Variants in POU2F2 observed in about 807,000 individuals in gnomAD.
POU2F2 encodes the protein POU domain, class 2, transcription factor 2.
Under a neutral mutation model 63.5 loss-of-function variants are expected in POU2F2, and 14 were observed. The observed-to-expected ratio is 0.22, with a 90% CI of 0.15 to 0.34. The LOEUF (loss-of-function observed/expected upper bound fraction) is 0.34. Among genes scored for constraint, POU2F2 ranks in the 10% least tolerant of loss-of-function variants. The probability of loss-of-function intolerance (pLI) is 1.00; values close to 1 mark genes in which losing one functional copy is unlikely to be tolerated. For missense variants in POU2F2, 607 were observed against 815.2 expected, an observed-to-expected ratio of 0.74 and a Z score of 3.11; for synonymous variants, 306 against 348.6, an observed-to-expected ratio of 0.88 and a Z score of 1.36.
At chr19:42,114,605 C>G (rs939421445) in intron 5 of POU2F2, among the ~76,000 whole-genome samples, 1 of 152,186 alleles carries the variant, frequency 6.6e-6, no homozygotes, top group African/African-American at 2.4e-5. Flanking sequence ...GGGCTAGAAA[C>G]CATGTTCCGT....
At chr19:42,158,818 C>T (rs1599687928) in intron 2 of POU2F2, among the ~76,000 whole-genome samples, 1 of 152,206 alleles carries the variant, frequency 6.6e-6, no homozygotes, top group Non-Finnish European at 1.5e-5. Context: ...TTCAGACGTT[C>T]CTCAAAGCCA....
At chr19:42,133,891 C>T (rs912189875), upstream of POU2F2, among the ~76,000 whole-genome samples, 5 of 152,168 alleles carry the variant, frequency 3.3e-5, no homozygotes, top group African/African-American at 4.8e-5. The surrounding 1 kb of genome is among the most constrained non-coding windows in gnomAD (Gnocchi z 5.1). Context: ...TGACTGCACA[C>T]GTGCCCTGTG....
rs1406847453 is a variant in POU2F2, at chr19:42,087,173, T to C, written c.*4084A>G. On this transcript the variant is annotated 3_prime_UTR_variant, in exon 15 of 15. Coordinates refer to ENST00000692977, the MANE Select transcript of POU2F2 (RefSeq NM_001394376.1). ...TTTTTTAAATGGTTAAATCTTTGGT[T>C]TGTTTCTTTTTTCTCTTGGAGGCCT... 1 of 151,576 alleles carries C rather than the reference T, an allele frequency of 6.6e-6. No homozygotes were observed. The highest frequency in any genetic ancestry group is 1.5e-5 in the Non-Finnish European group (1 of 67,918). The allele number at this position is 151,576 out of a possible 1,614,324, so 9.4% of individuals were successfully genotyped here.
rs961242553 is a variant in POU2F2, at chr19:42,087,294, C to T, written c.*3963G>A. The T allele has an allele frequency of 6.6e-6, 1 of 151,956 alleles. No individual in the cohort carries two copies. Among genetic ancestry groups the T allele is most frequent in the Non-Finnish European group, 1.5e-5 (1 of 68,012 alleles). The allele number at this position is 151,956 out of a possible 1,614,324, so 9.4% of individuals were successfully genotyped here. On this transcript the variant is annotated 3_prime_UTR_variant, in exon 15 of 15. Transcript: ENST00000692977. ...CTCACTCTCTCTCTCACTCAGGTCC[C>T]CCTACCCTGGGCTAGAGGAAGAGAG...
At chr19:42,094,970 T>C (rs1044457213) in intron 11 of POU2F2, among the ~76,000 whole-genome samples, 2 of 152,232 alleles carry the variant, frequency 1.3e-5, no homozygotes, top group African/African-American at 4.8e-5. Context: ...TGCCTCTGTG[T>C]GGTTGTGAGC....
In POU2F2 at chr19:42,092,987, G is replaced by GTATATATATATATATATA. The variant is rs56158047; in HGVS notation, c.1265-735_1265-718dup. 1.1e-5 allele frequency among the ~76,000 whole-genome samples: 1 copy of GTATATATATATATATATA among 92,910 alleles called. No homozygotes were observed. Among genetic ancestry groups the GTATATATATATATATATA allele is most frequent in the African/African-American group, 5.1e-5 (1 of 19,566 alleles). 61.0% of individuals were successfully genotyped at this position (92,910 alleles called of 152,430 possible). On this transcript the variant is annotated intron_variant, in intron 12 of 14. Coordinates refer to ENST00000692977, the MANE Select transcript of POU2F2 (RefSeq NM_001394376.1). This position sits in a 1 kb window ranked among gnomAD's most constrained non-coding sequence, Gnocchi z 5.0. ...ATGCATATATATATTATGTGTGTGT[G>GTATATATATATATATATA]TATATATATATATATATATATATTT...
At chr19:42,104,254 G>C (rs1054180907) in intron 5 of POU2F2, among the ~76,000 whole-genome samples, 3 of 152,104 alleles carry the variant, frequency 2.0e-5, no homozygotes, top group Non-Finnish European at 4.4e-5. Context: ...ACACATTCTT[G>C]TACATGCTGG....
At chr19:42,149,892 C>T (rs911699871) in intron 2 of POU2F2, among the ~76,000 whole-genome samples, 4 of 152,180 alleles carry the variant, frequency 2.6e-5, no homozygotes, top group African/African-American at 7.2e-5. Flanking sequence ...GTCCAGCTCC[C>T]GGCCCTCTCT....
intron 5 of POU2F2, among the ~76,000 whole-genome samples, chr19:42,105,996 C>T (rs1265539702): frequency 6.0e-5 from 8 of 134,114 alleles, no homozygotes; most frequent in African/African-American, 2.2e-4. Context: ...TAGGATCTTT[C>T]TTTTTTCTTT....
chr19:42,156,192 T>C lies in POU2F2; in HGVS notation c.-9+4140A>G, dbSNP rs866021330. 1 of 152,146 alleles carries C rather than the reference T, an allele frequency of 6.6e-6. No individual in the cohort carries two copies. Among genetic ancestry groups the C allele is most frequent in the Admixed American group, 6.5e-5 (1 of 15,278 alleles). The allele number at this position is 152,146 out of a possible 1,614,324, so 9.4% of individuals were successfully genotyped here. A position where few individuals can be genotyped will look rare whatever the true frequency, so the allele number is the denominator to read the frequency against. On this transcript the variant is annotated intron_variant, in intron 2 of 6. Coordinates refer to the POU2F2 transcript ENST00000524801. The surrounding 1 kb of genome is among the most constrained non-coding windows in gnomAD (Gnocchi z 4.1). ...GGATGGTGGGTACTTGACCTTCATT[T>C]GCTGTGGGACTGTCAGGGATTCCAG...
chr19:42,099,160 G>A (rs944009059), intron 7 of POU2F2, among the ~76,000 whole-genome samples: 1 of 152,242 alleles, frequency 6.6e-6, no homozygotes, highest in East Asian at 1.9e-4. Flanking sequence ...CCGTTGCAGT[G>A]CTGGAAGAGG....
At chr19:42,114,338 G>C (rs552536515) in intron 5 of POU2F2, among the ~76,000 whole-genome samples, 15 of 152,082 alleles carry the variant, frequency 9.9e-5, no homozygotes, top group African/African-American at 2.4e-4. Context: ...AGGCACGGCT[G>C]GGGGGAGGGA....
Position 42,092,105 on chromosome 19 carries a change from G to A in POU2F2, c.1430C>T (p.Ser477Leu), listed in dbSNP as rs377011370. 23 of 1,593,502 alleles carry A rather than the reference G, an allele frequency of 1.4e-5. No homozygotes were observed. Among genetic ancestry groups the A allele is most frequent in the African/African-American group, 2.7e-5 (2 of 74,112 alleles). The change falls in exon 13 of 15, where the codon TCG (serine) becomes TTG (leucine). Residue 477 changes from serine to leucine, a missense_variant. Ser to Leu is a moderately radical substitution (Grantham distance 145). Transcript: ENST00000692977. This position sits in a 1 kb window ranked among gnomAD's most constrained non-coding sequence, Gnocchi z 5.0. ...STNPSPQGSH[S>L]AIGLSGLNPS... Reference sequence around the variant, plus strand: ...GTTCAGGCCTGACAAGCCGATAGCCGAGTGGCTGCCTTGAGGGCTGGGGTT... The same window carrying A: ...GTTCAGGCCTGACAAGCCGATAGCCAAGTGGCTGCCTTGAGGGCTGGGGTT...
intron 1 of POU2F2, among the ~76,000 whole-genome samples, chr19:42,163,526 G>C (rs984452200): frequency 6.6e-6 from 1 of 152,090 alleles, no homozygotes; most frequent in Non-Finnish European, 1.5e-5. Context: ...GCCTGGAAGA[G>C]GGTGGTCTCC....
At chr19:42,140,378 G>C (rs2034103260) in intron 2 of POU2F2, among the ~76,000 whole-genome samples, 2 of 152,110 alleles carry the variant, frequency 1.3e-5, no homozygotes, top group South Asian at 4.1e-4. Flanking sequence ...CCTTGGTCCA[G>C]AGCCCTCCAG....
At chr19:42,100,911 AAC>A (rs952485929) in intron 5 of POU2F2, among the ~76,000 whole-genome samples, 11 of 152,190 alleles carry the variant, frequency 7.2e-5, no homozygotes, top group Admixed American at 6.5e-4. Context: ...CATCCTGGCT[AAC>A]ACAGTGAAAC....
At chr19:42,141,554 T>C (rs189045379) in intron 2 of POU2F2, among the ~76,000 whole-genome samples, 2 of 145,976 alleles carry the variant, frequency 1.4e-5, no homozygotes, top group Admixed American at 1.4e-4. Flanking sequence ...CAATCTTGGC[T>C]CACTACAACC....
At chr19:42,161,908 C>T (rs1174473842) in intron 1 of POU2F2, among the ~76,000 whole-genome samples, 1 of 152,198 alleles carries the variant, frequency 6.6e-6, no homozygotes, top group Non-Finnish European at 1.5e-5. Flanking sequence ...AGATTTAGGG[C>T]CGGGATCAAT....
intron 1 of POU2F2, among the ~76,000 whole-genome samples, chr19:42,193,067 A>C (rs1045755725): frequency 2.6e-5 from 4 of 151,494 alleles, no homozygotes; most frequent in African/African-American, 9.7e-5. Context: ...AAAAATACAA[A>C]AAAAAAAAAA....
Sources: gnomAD v4.1 joint callset for allele counts (sites outside exome capture counted in the v4.1 genomes callset) on GRCh38, gnomAD v4.1.1 for gene constraint, Gnocchi (gnomAD v3.1) non-coding constraint, MANE v1.5 for transcripts, NCBI Gene and HGNC (gene_info 2026-07-23, HGNC 2026-07-21) for gene names.